The following SLC39A14 variants were observed in gnomAD, a reference collection of about 807,000 sequenced individuals.
SLC39A14 encodes the protein solute carrier family 39 member 14, also known as metal cation symporter ZIP14.
Under a neutral mutation model 45.5 loss-of-function variants are expected in SLC39A14, and 19 were observed. The ratio of observed to expected loss-of-function variants is 0.42; its 90% CI spans 0.29 to 0.61. SLC39A14 has a LOEUF of 0.61. Among genes scored for constraint, SLC39A14 ranks in the 20% least tolerant of loss-of-function variants. The pLI, the probability that SLC39A14 is intolerant of heterozygous loss-of-function variation, is 0.22. For missense variants in SLC39A14, 447 were observed against 616.5 expected (o/e 0.73, Z 2.91); for synonymous variants, 264 against 251.3 (o/e 1.05, Z -0.48).
chr8:22,388,464 G>A (rs570482243), intron 1 of SLC39A14, among the ~76,000 whole-genome samples: 12 of 152,198 alleles, frequency 7.9e-5, no homozygotes, highest in East Asian at 1.9e-4. Flanking sequence ...TGGGTAGGAC[G>A]CCAGTTGGAG....
intron 1 of SLC39A14, among the ~76,000 whole-genome samples, chr8:22,393,779 C>T (rs1834214415): frequency 6.6e-6 from 1 of 152,020 alleles, no homozygotes; most frequent in Non-Finnish European, 1.5e-5. Flanking sequence ...TCAAGCAGTC[C>T]TCCCACCTCA....
At chr8:22,425,954 C>T (rs1486949403), downstream of SLC39A14, among the ~76,000 whole-genome samples, 2 of 143,842 alleles carry the variant, frequency 1.4e-5, no homozygotes, top group African/African-American at 2.5e-5. Flanking sequence ...CACAATGGTG[C>T]GATCTCGGCT....
chr8:22,372,463 C>G (rs1276402066), intron 1 of SLC39A14, among the ~76,000 whole-genome samples: 36 of 152,130 alleles, frequency 2.4e-4, no homozygotes, highest in Non-Finnish European at 5.9e-5. Context: ...GAAGTATCAT[C>G]TTTTTTAACC....
At chr8:22,404,368 A>C in intron 1 of SLC39A14, 1 of 196,432 alleles carries the variant, frequency 5.1e-6, no homozygotes. Flanking sequence ...CGGAGGTTGC[A>C]GTGAGCTGAG....
chr8:22,395,284 A>G (rs1249579020), intron 1 of SLC39A14, among the ~76,000 whole-genome samples: 2 of 152,208 alleles, frequency 1.3e-5, no homozygotes, highest in African/African-American at 4.8e-5. Flanking sequence ...CTTGTGTTTT[A>G]TCTTAGAACA....
At chr8:22,385,813 G>A (rs12677619) in intron 1 of SLC39A14, among the ~76,000 whole-genome samples, 35,184 of 151,942 alleles carry the variant, frequency 0.23, 4,772 homozygotes, top group East Asian at 0.49. Context: ...CCTGGGCAAT[G>A]TAGCAAGACC....
intron 3 of SLC39A14, chr8:22,411,827 T>G: frequency 1.8e-6 from 1 of 558,414 alleles, no homozygotes; most frequent in South Asian, 2.3e-5. Context: ...TCATCAGATG[T>G]GAATCACTAA....
chr8:22,432,148 T>C (rs1836475965), intron 8 of SLC39A14, among the ~76,000 whole-genome samples: 1 of 151,848 alleles, frequency 6.6e-6, no homozygotes. Context: ...GTGGGCAACA[T>C]AGGAAGACCC....
chr8:22,382,926 C>T (rs1833593227), intron 1 of SLC39A14, among the ~76,000 whole-genome samples: 1 of 151,774 alleles, frequency 6.6e-6, no homozygotes, highest in Admixed American at 6.6e-5. Context: ...CTATGTTGGC[C>T]AGGTTAGTCT....
chr8:22,394,710 A>G (rs556628609), intron 1 of SLC39A14, among the ~76,000 whole-genome samples: 222 of 152,010 alleles, frequency 1.5e-3, no homozygotes, highest in African/African-American at 5.2e-3. Context: ...CCGTATTTCC[A>G]TTTCTGTATT....
intron 4 of SLC39A14, among the ~76,000 whole-genome samples, chr8:22,413,895 C>T (rs1403597296): frequency 6.6e-6 from 1 of 152,122 alleles, no homozygotes; most frequent in East Asian, 1.9e-4. Flanking sequence ...CTGCCTCACA[C>T]TCCCGAGTAG....
At chr8:22,403,705 G>C (rs1474552424) in intron 1 of SLC39A14, among the ~76,000 whole-genome samples, 1 of 151,646 alleles carries the variant, frequency 6.6e-6, no homozygotes, top group Non-Finnish European at 1.5e-5. Context: ...GATCACTTGA[G>C]CCCAGGAGTT....
intron 1 of SLC39A14, among the ~76,000 whole-genome samples, chr8:22,399,051 G>A (rs1003174165): frequency 6.6e-6 from 1 of 152,202 alleles, no homozygotes; most frequent in African/African-American, 2.4e-5. Flanking sequence ...GCGCTCCCAA[G>A]CCACAGCACA....
Position 22,420,332 on chromosome 8 carries a change from C to T in SLC39A14, c.*634C>T, listed in dbSNP as rs1318932040. On this transcript the variant is annotated 3_prime_UTR_variant, in exon 9 of 9. Transcript: ENST00000381237. ...CACTGCTGTGTGTCTTGTCAGGATG[C>T]TCACTTGTTCCTACTGAGATGCTGG... The T allele has an allele frequency of 1.4e-5, 14 of 985,460 alleles. No homozygotes were observed. The highest frequency in any genetic ancestry group is 1.7e-5 in the Non-Finnish European group (14 of 829,954). The allele number at this position is 985,460 out of a possible 1,614,324, so 61.0% of individuals were successfully genotyped here. A position where few individuals can be genotyped will look rare whatever the true frequency, so the allele number is the denominator to read the frequency against.
rs200256845 is a variant in SLC39A14 at position 22,416,243 on chromosome 8, G to A, written c.1110G>A (p.Ser370=). The A allele has an allele frequency of 6.8e-6, 11 of 1,613,136 alleles. No individual in the cohort carries two copies. The highest frequency in any genetic ancestry group is 4.0e-5 in the African/African-American group (3 of 74,840). The change falls in exon 7 of 9, where the codon TCG becomes TCA. Residue 370 remains serine (S), a synonymous_variant. Coordinates refer to ENST00000381237, the MANE Select transcript of SLC39A14 (RefSeq NM_001128431.4). ...TVSVFQGIST[S]VAILCEEFPH... Reference sequence around the variant, plus strand: ...CAGTTTTCCAAGGCATCAGCACCTCGGTGGCCATCCTCTGTGAGGAGTTCC... The same window carrying A: ...CAGTTTTCCAAGGCATCAGCACCTCAGTGGCCATCCTCTGTGAGGAGTTCC...
At position 22,409,960 on chromosome 8, in the gene SLC39A14, T is replaced by A. The variant is rs79856562; in HGVS notation, c.457+1464T>A. On this transcript the variant is annotated intron_variant, in intron 3 of 8. Coordinates refer to ENST00000381237, the MANE Select transcript of SLC39A14 (RefSeq NM_001128431.4). ...TTCCTCCACAGTGTGGGGCTTTGGT[T>A]TTCTCAGTGTCTCACTGATTAACCT... The A allele has an allele frequency of 2.4e-4, 389 of 1,614,004 alleles. No individual in the cohort carries two copies. In the African/African-American group the frequency reaches 4.2e-3, roughly 18 times the overall value.
At position 22,420,871 on chromosome 8, in the gene SLC39A14, A is replaced by G. The variant is rs1836186486; in HGVS notation, c.*1173A>G. Reference sequence around the variant, plus strand: ...TGATTATGCTACAGATGGGTTTTAAATGACCCGTCTAGGTTACTGCTTCCT... The same window carrying G: ...TGATTATGCTACAGATGGGTTTTAAGTGACCCGTCTAGGTTACTGCTTCCT... On this transcript the variant is annotated 3_prime_UTR_variant, in exon 9 of 9. Transcript: ENST00000381237. The G allele has an allele frequency of 3.0e-6, 3 of 985,434 alleles. No homozygotes were observed. Among genetic ancestry groups the G allele is most frequent in the South Asian group, 4.7e-5 (1 of 21,288 alleles). 61.0% of individuals were successfully genotyped at this position (985,434 alleles called of 1,614,324 possible). A position where few individuals can be genotyped will look rare whatever the true frequency, so the allele number is the denominator to read the frequency against.
In SLC39A14 at chr8:22,421,788, A is replaced by C; in HGVS notation, c.*2090A>C. 1 of 984,104 alleles carries C rather than the reference A, an allele frequency of 1.0e-6. No individual in the cohort carries two copies. The highest frequency in any genetic ancestry group is 1.1e-4 in the East Asian group (1 of 8,806). 61.0% of individuals were successfully genotyped at this position (984,104 alleles called of 1,614,324 possible). A position where few individuals can be genotyped will look rare whatever the true frequency, so the allele number is the denominator to read the frequency against. ...GTCTTGGAGTAGAATACTAAGTTAG[A>C]GTTAGTGGATTTCTAGTTTAGGAGA... On this transcript the variant is annotated 3_prime_UTR_variant, in exon 9 of 9. Coordinates refer to ENST00000381237, the MANE Select transcript of SLC39A14 (RefSeq NM_001128431.4).
In SLC39A14 at chr8:22,416,454, T is replaced by C. The variant is rs546136059; in HGVS notation, c.1147+174T>C. 5.3e-5 allele frequency among the ~76,000 whole-genome samples: 8 copies of C among 152,238 alleles called. No individual in the cohort carries two copies. In the South Asian group the frequency reaches 1.5e-3, roughly 28 times the overall value. On this transcript the variant is annotated intron_variant, in intron 7 of 8. Coordinates refer to ENST00000381237, the MANE Select transcript of SLC39A14 (RefSeq NM_001128431.4). ...TCACCTTTTTTTTGGAGACGGAGTC[T>C]CGCACTGTTGCCCAGGCCGGAGTGC...
Sources: allele counts gnomAD v4.1 joint callset (sites outside exome capture counted in the v4.1 genomes callset), GRCh38; gene constraint gnomAD v4.1.1; transcripts MANE v1.5; gene names NCBI Gene and HGNC (gene_info 2026-07-23, HGNC 2026-07-21).